The following SRC variants were observed in gnomAD, a reference collection of about 807,000 sequenced individuals.
The protein encoded by SRC is proto-oncogene tyrosine-protein kinase Src.
A neutral mutation model predicts 62.9 loss-of-function variants in SRC; 13 were observed. The observed-to-expected ratio is 0.21, with a 90% CI of 0.13 to 0.33. SRC has a LOEUF of 0.33. Among genes scored for constraint, SRC ranks in the 10% least tolerant of loss-of-function variants. SRC has a pLI of 1.00. For synonymous variants in SRC, 302 were observed against 317.5 expected (o/e 0.95, Z 0.52); for missense variants, 457 against 737.3 (o/e 0.62, Z 4.40).
chr20:37,378,303 C>T (rs1364155572), intron 2 of SRC, among the ~76,000 whole-genome samples: 2 of 151,670 alleles, frequency 1.3e-5, no homozygotes, highest in African/African-American at 4.8e-5. Flanking sequence ...GCTGGGACTA[C>T]AGGCTAATTT....
intron 2 of SRC, among the ~76,000 whole-genome samples, chr20:37,380,037 CAT>C (rs2070343194): frequency 6.8e-6 from 1 of 147,646 alleles, no homozygotes; most frequent in Non-Finnish European, 1.5e-5. Context: ...CACACTAACA[CAT>C]AAAGTGAAAA....
At position 37,394,127 on chromosome 20, in the gene SRC, G is replaced by A. The variant is rs374542395; in HGVS notation, c.450-47G>A. ...ATCCAGGGAGAAGCACTGTGAGTGG[G>A]CAGAAGCCTGGACAGTCAGCACCAT... On this transcript the variant is annotated intron_variant, in intron 6 of 13. Coordinates refer to ENST00000373578, the MANE Select transcript of SRC (RefSeq NM_198291.3). The A allele has an allele frequency of 2.8e-5, 45 of 1,585,782 alleles. No individual in the cohort carries two copies. In the African/African-American group the frequency reaches 3.4e-4, roughly 12 times the overall value.
At chr20:37,393,122 C>T (rs1331296112) in intron 5 of SRC, among the ~76,000 whole-genome samples, 1 of 152,208 alleles carries the variant, frequency 6.6e-6, no homozygotes, top group Non-Finnish European at 1.5e-5. Context: ...TCCTCACTTT[C>T]GCATAGAAGT....
intron 2 of SRC, among the ~76,000 whole-genome samples, chr20:37,379,417 C>T (rs1364080568): frequency 6.6e-6 from 1 of 152,054 alleles, no homozygotes; most frequent in Non-Finnish European, 1.5e-5. Context: ...AGCTCTGTGC[C>T]AGGGAGGAGG....
At chr20:37,368,528 T>C (rs1568625190) in intron 2 of SRC, among the ~76,000 whole-genome samples, 1 of 124,592 alleles carries the variant, frequency 8.0e-6, no homozygotes, top group South Asian at 2.5e-4. Flanking sequence ...CTTTTTTTTT[T>C]TTTTTTTTTT....
rs367920115 is a variant in SRC at position 37,397,994 on chromosome 20, T to C, written c.859+140T>C. The C allele has an allele frequency of 8.6e-7, 1 of 1,161,464 alleles. No homozygotes were observed. Among genetic ancestry groups the C allele is most frequent in the African/African-American group, 1.5e-5 (1 of 64,880 alleles). 71.9% of individuals were successfully genotyped at this position (1,161,464 alleles called of 1,614,324 possible). A position where few individuals can be genotyped will look rare whatever the true frequency, so the allele number is the denominator to read the frequency against. On this transcript the variant is annotated intron_variant, in intron 9 of 13. Transcript: ENST00000373578. This position sits in a 1 kb window ranked among gnomAD's most constrained non-coding sequence, Gnocchi z 4.1. ...TTGTAAATCTGGAGCTCCCCAGCGG[T>C]GGCTGGCACCGAGTTGGGTTGTGGC...
rs1568628756 is a variant in SRC at position 37,373,429 on chromosome 20, G to GCATATATACGCATATATGCGTA, written c.-173+8152_-173+8153insCATATATACGCATATATGCGTA. On this transcript the variant is annotated intron_variant, in intron 2 of 13. Coordinates refer to ENST00000373578, the MANE Select transcript of SRC (RefSeq NM_198291.3). ...TACGCATATATACGCATATATGCGT[G>GCATATATACGCATATATGCGTA]TATATACGCATATATACGCATATAT... 1.0e-3 allele frequency among the ~76,000 whole-genome samples: 94 copies of GCATATATACGCATATATGCGTA among 93,366 alleles called. 1 individual carries two copies. The highest frequency in any genetic ancestry group is 8.8e-3 in the African/African-American group (93 of 10,572). 61.3% of individuals were successfully genotyped at this position (93,366 alleles called of 152,430 possible).
rs1417211462 is a variant in SRC, at chr20:37,384,380, C to T, written c.227C>T (p.Pro76Leu). Residue 76 changes from proline to leucine, a missense_variant, in exon 4 of 14, where the codon CCG becomes CTG. Coordinates refer to ENST00000373578, the MANE Select transcript of SRC (RefSeq NM_198291.3). The surrounding 1 kb of genome is among the most constrained non-coding windows in gnomAD (Gnocchi z 6.7). ...GFNSSDTVTS[P>L]QRAGPLAGGV... ...AACTCCTCGGACACCGTCACCTCCC[C>T]GCAGAGGGCGGGCCCGCTGGCCGGT... 1.4e-6 allele frequency: 2 copies of T among 1,451,170 alleles called. No homozygotes were observed. The highest frequency in any genetic ancestry group is 1.8e-6 in the Non-Finnish European group (2 of 1,107,200). 89.9% of individuals were successfully genotyped at this position (1,451,170 alleles called of 1,614,324 possible).
At chr20:37,394,445 G>A (rs1015422431) in intron 7 of SRC, among the ~76,000 whole-genome samples, 168 bp downstream of exon 7, 1 of 152,196 alleles carries the variant, frequency 6.6e-6, no homozygotes, top group African/African-American at 2.4e-5. Flanking sequence ...GGAACACTGA[G>A]TAATCCGCGG....
At chr20:37,383,459 A>G (rs952385895) in intron 3 of SRC, among the ~76,000 whole-genome samples, 2 of 151,946 alleles carry the variant, frequency 1.3e-5, no homozygotes, top group African/African-American at 4.8e-5. Flanking sequence ...CAAACCCTCA[A>G]TGAGCCCCCT....
intron 2 of SRC, among the ~76,000 whole-genome samples, chr20:37,373,428 TGTATATACGCATATATACGCATATATGC>T (rs201128082): frequency 0.22 from 33,235 of 150,920 alleles, 5,257 homozygotes; most frequent in African/African-American, 0.46. Flanking sequence ...CATATATGCG[TGTATATACGCATATATACGCATATATGC>T]ATATATACAC....
At chr20:37,364,069 C>T (rs748753832) in intron 1 of SRC, among the ~76,000 whole-genome samples, 33 of 152,064 alleles carry the variant, frequency 2.2e-4, no homozygotes, top group Non-Finnish European at 3.1e-4. Context: ...TCCCACCTCT[C>T]CCCTGCCATT....
chr20:37,403,468 G>A lies in SRC; in HGVS notation c.*89G>A. The stretch of plus-strand genomic sequence containing the variant: ...GCTTGCCCCACTCTGCCTGCCTGCT[G>A]TTGGTCCTCTCTCTGTGGGGCTGAA... On this transcript the variant is annotated 3_prime_UTR_variant, in exon 14 of 14. Coordinates refer to ENST00000373578, the MANE Select transcript of SRC (RefSeq NM_198291.3). This position sits in a 1 kb window ranked among gnomAD's most constrained non-coding sequence, Gnocchi z 7.1. 5 of 1,374,490 alleles carry A rather than the reference G, an allele frequency of 3.6e-6. No homozygotes were observed. The highest frequency in any genetic ancestry group is 4.9e-6 in the Non-Finnish European group (5 of 1,020,020). 85.1% of individuals were successfully genotyped at this position (1,374,490 alleles called of 1,614,324 possible).
intron 1 of SRC, among the ~76,000 whole-genome samples, chr20:37,362,753 C>T (rs531562282): frequency 3.3e-5 from 5 of 152,068 alleles, no homozygotes; most frequent in Non-Finnish European, 7.4e-5. Context: ...GTCTGCGAAG[C>T]CTCCTAACCC....
rs2070686859 is a variant in SRC at position 37,398,199 on chromosome 20, C to A, written c.859+345C>A. ...TGGGACCTATGGGAGACTGTGGAGA[C>A]CCTGACCCAGTGCGTGTCCACACAC... On this transcript the variant is annotated intron_variant, in intron 9 of 13. Transcript: ENST00000373578. This position sits in a 1 kb window ranked among gnomAD's most constrained non-coding sequence, Gnocchi z 5.2. Among the ~76,000 whole-genome samples the A allele has an allele frequency of 6.6e-6, 1 of 152,172 alleles. No homozygotes were observed.
At chr20:37,385,429 T>C (rs1258818943) in intron 4 of SRC, among the ~76,000 whole-genome samples, 1 of 147,596 alleles carries the variant, frequency 6.8e-6, no homozygotes, top group Non-Finnish European at 1.5e-5. Flanking sequence ...AGAACCCACC[T>C]GGGGGAAGGA....
chr20:37,379,077 A>C (rs1850875206), intron 2 of SRC, among the ~76,000 whole-genome samples: 1 of 152,076 alleles, frequency 6.6e-6, no homozygotes, highest in South Asian at 2.1e-4. Flanking sequence ...TGCTGAGCTC[A>C]AGGCACTGGG....
At chr20:37,367,110 T>C (rs1195009746) in intron 2 of SRC, among the ~76,000 whole-genome samples, 3 of 151,562 alleles carry the variant, frequency 2.0e-5, no homozygotes, top group Non-Finnish European at 4.4e-5. Context: ...TTTTTTTTTT[T>C]TTTTTGAGAC....
At chr20:37,374,567 T>C (rs2070246944) in intron 2 of SRC, among the ~76,000 whole-genome samples, 1 of 129,434 alleles carries the variant, frequency 7.7e-6, no homozygotes, top group Admixed American at 9.3e-5. Context: ...ACTATAATAA[T>C]ACTCTTTTTT....
Sources: allele counts gnomAD v4.1 joint callset (sites outside exome capture counted in the v4.1 genomes callset), GRCh38; gene constraint gnomAD v4.1.1; non-coding constraint Gnocchi (gnomAD v3.1); transcripts MANE v1.5; gene names NCBI Gene and HGNC (gene_info 2026-07-23, HGNC 2026-07-21).